The following CELF2 variants were observed in gnomAD, a reference collection of about 807,000 sequenced individuals.
The protein encoded by CELF2 is CUG triplet repeat RNA-binding protein 2.
A neutral mutation model predicts 62.6 loss-of-function variants in CELF2; 8 were observed. That is an observed-to-expected ratio of 0.13 (90% CI 0.07 to 0.23). The LOEUF (loss-of-function observed/expected upper bound fraction) is 0.23, where lower values mean the gene tolerates loss of function less well. Among genes scored for constraint, CELF2 ranks in the 10% least tolerant of loss-of-function variants. The probability of loss-of-function intolerance (pLI) is 1.00; values close to 1 mark genes in which losing one functional copy is unlikely to be tolerated. For missense variants in CELF2, 333 were observed against 671.0 expected (o/e 0.50, Z 5.56); for synonymous variants, 258 against 250.0 (o/e 1.03, Z -0.30).
chr10:11,098,742 C>T lies in CELF2; in HGVS notation c.75-66744C>T, dbSNP rs2050618757. The stretch of plus-strand genomic sequence containing the variant: ...TCTGGCCTTACTTTTCTGTAAACTG[C>T]GGCCACTTTGTCCTTTATCTGTGTG... On this transcript the variant is annotated intron_variant, in intron 1 of 12. Transcript: ENST00000633077. The surrounding 1 kb of genome is among the most constrained non-coding windows in gnomAD (Gnocchi z 4.0). Among the ~76,000 whole-genome samples, 1 of 152,176 alleles carries T rather than the reference C, an allele frequency of 6.6e-6. No individual in the cohort carries two copies. Among genetic ancestry groups the T allele is most frequent in the Non-Finnish European group, 1.5e-5 (1 of 68,040 alleles).
chr10:10,866,216 A>T (rs1008767556), intron 1 of CELF2, among the ~76,000 whole-genome samples: 22 of 152,156 alleles, frequency 1.4e-4, no homozygotes, highest in African/African-American at 5.3e-4. Flanking sequence ...CAAGGCCTAC[A>T]TCTTCACACT....
chr10:10,474,320 A>C, the CELF2 span, among the ~76,000 whole-genome samples: 2 of 152,024 alleles, frequency 1.3e-5, no homozygotes, highest in Non-Finnish European at 2.9e-5. Flanking sequence ...CATAACAAAA[A>C]CAAGCTTAAC....
the CELF2 span, among the ~76,000 whole-genome samples, chr10:10,525,296 A>G: frequency 6.6e-6 from 1 of 152,198 alleles, no homozygotes; most frequent in Non-Finnish European, 1.5e-5. Context: ...GACCCACAGA[A>G]AGCCCAGAAC....
At chr10:11,139,037 A>G (rs2060880786) in intron 1 of CELF2, among the ~76,000 whole-genome samples, 1 of 152,226 alleles carries the variant, frequency 6.6e-6, no homozygotes, top group Non-Finnish European at 1.5e-5. Context: ...ATGTAATTAT[A>G]ATTAATAACT....
At chr10:11,004,237 G>A (rs1016682149), upstream of CELF2, among the ~76,000 whole-genome samples, 3 of 152,122 alleles carry the variant, frequency 2.0e-5, no homozygotes, top group Admixed American at 6.5e-5. The surrounding 1 kb of genome is among the most constrained non-coding windows in gnomAD (Gnocchi z 5.0). Context: ...TTGGAGAATG[G>A]GAGCGGGACC....
intron 2 of CELF2, among the ~76,000 whole-genome samples, chr10:10,994,829 CT>C (rs1213389829): frequency 1.3e-5 from 2 of 151,924 alleles, no homozygotes; most frequent in Non-Finnish European, 2.9e-5. Flanking sequence ...GTTTCTCCAC[CT>C]TTGTCAATCC....
At chr10:10,792,999 C>G in the CELF2 span, among the ~76,000 whole-genome samples, 1 of 152,184 alleles carries the variant, frequency 6.6e-6, no homozygotes, top group Non-Finnish European at 1.5e-5. Context: ...ATGAAAAAAG[C>G]ATTCCTTCCC....
At chr10:10,577,440 C>T in the CELF2 span, among the ~76,000 whole-genome samples, 2 of 151,136 alleles carry the variant, frequency 1.3e-5, no homozygotes, top group Admixed American at 6.6e-5. Flanking sequence ...AGGTTTGTTA[C>T]ATATGTATAC....
chr10:11,067,396 C>T (rs1191126282), intron 1 of CELF2, among the ~76,000 whole-genome samples: 1 of 152,210 alleles, frequency 6.6e-6, no homozygotes, highest in African/African-American at 2.4e-5. Flanking sequence ...CTAAGTAAAA[C>T]TTGCTTGCAA....
rs1491346882 is a variant in CELF2 at position 11,285,878 on chromosome 10, T to TGTGTGTGTGTGTGTG, written c.842-2540_842-2539insGTGTGTGTGTGTGTG. Among the ~76,000 whole-genome samples, 2 of 105,100 alleles carry TGTGTGTGTGTGTGTG rather than the reference T, an allele frequency of 1.9e-5. No homozygotes were observed. Among genetic ancestry groups the TGTGTGTGTGTGTGTG allele is most frequent in the African/African-American group, 1.1e-4 (2 of 18,438 alleles). 68.9% of individuals were successfully genotyped at this position (105,100 alleles called of 152,430 possible). A position where few individuals can be genotyped will look rare whatever the true frequency, so the allele number is the denominator to read the frequency against. ...GTGTGTGTGTGTGTGTGTGTGTGTGTTTTTACATGGACTTGAAAATGAGTA... is the reference window on the plus strand; with the variant it reads ...GTGTGTGTGTGTGTGTGTGTGTGTGTGTGTGTGTGTGTGTGTTTTACATGGACTTGAAAATGAGTA... On this transcript the variant is annotated intron_variant, in intron 8 of 12. Transcript: ENST00000633077. This position sits in a 1 kb window ranked among gnomAD's most constrained non-coding sequence, Gnocchi z 4.3.
At chr10:10,837,974 A>T (rs2058419305) in intron 1 of CELF2, among the ~76,000 whole-genome samples, 1 of 152,194 alleles carries the variant, frequency 6.6e-6, no homozygotes, top group Non-Finnish European at 1.5e-5. Context: ...ATACATGATT[A>T]ATTACCCAAA....
rs1354925522 is a variant in CELF2, at chr10:11,302,478, G to A, written c.977-11661G>A. Among the ~76,000 whole-genome samples, 6 of 152,304 alleles carry A rather than the reference G, an allele frequency of 3.9e-5. No individual in the cohort carries two copies. The South Asian group carries it at 1.2e-3, about 32-fold the overall frequency. The stretch of plus-strand genomic sequence containing the variant: ...AGTAACGATCTTCTCCATTAAATGT[G>A]TCTGTGGCTGCAGTGCCCCCAAAGG... On this transcript the variant is annotated intron_variant, in intron 9 of 12. Transcript: ENST00000633077. The surrounding 1 kb of genome is among the most constrained non-coding windows in gnomAD (Gnocchi z 5.0).
rs574669329 is a variant in CELF2 at position 10,993,134 on chromosome 10, G to A, written c.89+73135G>A. Among the ~76,000 whole-genome samples the A allele has an allele frequency of 8.9e-4, 135 of 152,226 alleles. No homozygotes were observed. Among genetic ancestry groups the A allele is most frequent in the African/African-American group, 3.1e-3 (130 of 41,542 alleles). ...CCAGCTGCTGTTTCCCACCGAAGAG[G>A]CGAGTCAGCAGATCAGTAATAAGGT... On this transcript the variant is annotated intron_variant, in intron 2 of 13. Coordinates refer to the CELF2 transcript ENST00000636488. The surrounding 1 kb of genome is among the most constrained non-coding windows in gnomAD (Gnocchi z 5.3).
the CELF2 span, among the ~76,000 whole-genome samples, chr10:10,691,724 T>C: frequency 6.8e-6 from 1 of 146,414 alleles, no homozygotes; most frequent in African/African-American, 2.6e-5. Flanking sequence ...TGGTATCTCA[T>C]TGTGGTTTTG....
chr10:10,716,944 T>C, the CELF2 span, among the ~76,000 whole-genome samples: 3 of 152,236 alleles, frequency 2.0e-5, no homozygotes, highest in Admixed American at 6.5e-5. Flanking sequence ...TGTAATTTAA[T>C]AGAGCAGATA....
At chr10:10,566,489 A>G in the CELF2 span, among the ~76,000 whole-genome samples, 1 of 150,246 alleles carries the variant, frequency 6.7e-6, no homozygotes, top group Non-Finnish European at 1.5e-5. Flanking sequence ...ACATATGTAT[A>G]CATGTGCCAT....
chr10:10,843,913 T>C (rs1475491483), intron 1 of CELF2, among the ~76,000 whole-genome samples: 3 of 151,910 alleles, frequency 2.0e-5, no homozygotes, highest in African/African-American at 4.8e-5. Flanking sequence ...TTTTTTTTCA[T>C]TGGAGATATG....
At chr10:11,068,424 C>CA (rs543486866) in intron 1 of CELF2, among the ~76,000 whole-genome samples, 12 of 152,334 alleles carry the variant, frequency 7.9e-5, no homozygotes, top group South Asian at 2.1e-4. Context: ...AGTATACCAT[C>CA]AGGGTCCCTT....
chr10:10,624,716 A>G, the CELF2 span, among the ~76,000 whole-genome samples: 5 of 152,348 alleles, frequency 3.3e-5, no homozygotes, highest in South Asian at 2.1e-4. Flanking sequence ...ATCTATAAAT[A>G]GCACACTCTA....
Sources: gnomAD v4.1 joint callset for allele counts (sites outside exome capture counted in the v4.1 genomes callset) on GRCh38, gnomAD v4.1.1 for gene constraint, Gnocchi (gnomAD v3.1) non-coding constraint, MANE v1.5 for transcripts, NCBI Gene and HGNC (gene_info 2026-07-23, HGNC 2026-07-21) for gene names.